The following DNAH9 variants were observed in gnomAD, a reference collection of about 807,000 sequenced individuals.
DNAH9 encodes the protein dynein axonemal heavy chain 9.
Under a neutral mutation model 471.6 loss-of-function variants are expected in DNAH9, and 345 were observed. The ratio of observed to expected loss-of-function variants is 0.73; its 90% CI spans 0.67 to 0.80. The LOEUF is 0.80. Ranked by LOEUF, DNAH9 falls within the 30% of genes least tolerant of loss-of-function variation. The pLI is 0.00. For synonymous variants in DNAH9, 2,093 were observed against 2,123.6 expected, an observed-to-expected ratio of 0.99 and a Z score of 0.40; for missense variants, 5,407 against 5,609.2, an observed-to-expected ratio of 0.96 and a Z score of 1.15.
chr17:11,703,857 C>T (rs531903997), intron 24 of DNAH9, among the ~76,000 whole-genome samples: 2 of 152,158 alleles, frequency 1.3e-5, no homozygotes, highest in African/African-American at 4.8e-5. Flanking sequence ...ATATTGTCAT[C>T]CTCCCAAGCT....
At chr17:11,640,123 AC>A (rs1327369826) in intron 9 of DNAH9, 146 bp from the exon 10 acceptor site, 14 of 623,190 alleles carry the variant, frequency 2.2e-5, no homozygotes, top group Non-Finnish European at 3.1e-5. Flanking sequence ...CTTTAACAGA[AC>A]CCCCCAGGAA....
rs761910575 is a variant in DNAH9 at position 11,727,867 on chromosome 17, G to C, written c.5759G>C (p.Cys1920Ser). 1 of 1,614,172 alleles carries C rather than the reference G, an allele frequency of 6.2e-7. No individual in the cohort carries two copies. Among genetic ancestry groups the C allele is most frequent in the Admixed American group, 1.7e-5 (1 of 60,024 alleles). Residue 1920 changes from cysteine to serine, a missense_variant, in exon 28 of 69, where the codon TGC (cysteine) becomes TCC (serine). Cys to Ser is a moderately radical substitution (Grantham distance 112, BLOSUM62 -1). This residue lies in a region of DNAH9 where 4,636 missense variants were observed against 4,900.3 expected (regional missense o/e 0.95). Coordinates refer to ENST00000262442, the MANE Select transcript of DNAH9 (RefSeq NM_001372.4). Reference sequence around the variant, plus strand: ...CTTGCTCAGACTGGTGCCTGGGGCTGCTTTGATGAGTTTAATCGAATCTCC... The same window carrying C: ...CTTGCTCAGACTGGTGCCTGGGGCTCCTTTGATGAGTTTAATCGAATCTCC... ...KGLAQTGAWG[C>S]FDEFNRISVE...
chr17:11,784,175 A>G (rs1968771736), intron 40 of DNAH9, 125 bp from the exon 41 acceptor site: 19 of 1,462,598 alleles, frequency 1.3e-5, no homozygotes, highest in African/African-American at 2.8e-5. Context: ...GCATAGTGTG[A>G]GAGATGGGAC....
At chr17:11,766,062 A>G (rs1967923354) in intron 36 of DNAH9, among the ~76,000 whole-genome samples, 1 of 152,178 alleles carries the variant, frequency 6.6e-6, no homozygotes, top group Admixed American at 6.5e-5. Flanking sequence ...AGCAATTGAC[A>G]GCCCTGCCAG....
chr17:11,810,411 C>T (rs772628671), intron 45 of DNAH9, 42 bp downstream of exon 45: 1 of 1,596,010 alleles, frequency 6.3e-7, no homozygotes, highest in South Asian at 1.1e-5. Context: ...TAAATTCCCC[C>T]TGGAATCAGA....
chr17:11,954,284 T>C lies in DNAH9; in HGVS notation c.12844-7583T>C, dbSNP rs1161954781. Among the ~76,000 whole-genome samples, 14 of 152,086 alleles carry C rather than the reference T, an allele frequency of 9.2e-5. No homozygotes were observed. In the South Asian group the frequency reaches 2.9e-3, roughly 32 times the overall value. On this transcript the variant is annotated intron_variant, in intron 67 of 68. Coordinates refer to ENST00000262442, the MANE Select transcript of DNAH9 (RefSeq NM_001372.4). ...CTATTTGAAGAAATAAGGGCCACAGTTTTGCAAATTTGCTGAAAACCACAA... is the reference window on the plus strand; with the variant it reads ...CTATTTGAAGAAATAAGGGCCACAGCTTTGCAAATTTGCTGAAAACCACAA...
intron 8 of DNAH9, among the ~76,000 whole-genome samples, chr17:11,635,355 T>TGTA (rs1213618550): frequency 2.4e-4 from 17 of 70,888 alleles, no homozygotes; most frequent in African/African-American, 5.5e-4. Flanking sequence ...TTTTTTTTTT[T>TGTA]TTTTTTAGTA....
In DNAH9 at chr17:11,598,666, C is replaced by G. The variant is rs1034191916; in HGVS notation, c.168C>G (p.Leu56=). ...CAGSAEAEQL[L]QAFLGRDAAE... ...GGAGTGCTGAGGCGGAGCAGCTGCT[C>G]CAGGCCTTCCTGGGCCGCGATGCTG... Residue 56 remains leucine (L), a synonymous_variant, in exon 1 of 69, where the codon CTC becomes CTG. Transcript: ENST00000262442. The G allele has an allele frequency of 2.9e-6, 4 of 1,362,832 alleles. No individual in the cohort carries two copies. Among genetic ancestry groups the G allele is most frequent in the Middle Eastern group, 2.6e-4 (1 of 3,906 alleles). 84.4% of individuals were successfully genotyped at this position (1,362,832 alleles called of 1,614,324 possible). A position where few individuals can be genotyped will look rare whatever the true frequency, so the allele number is the denominator to read the frequency against.
intron 53 of DNAH9, among the ~76,000 whole-genome samples, chr17:11,879,042 TATTAA>T (rs1474511474): frequency 6.6e-6 from 1 of 152,204 alleles, no homozygotes; most frequent in South Asian, 2.1e-4. Flanking sequence ...TTTTACTATA[TATTAA>T]ATTATTTTAT....
chr17:11,789,343 G>T (rs964209228), intron 41 of DNAH9, among the ~76,000 whole-genome samples: 1 of 152,048 alleles, frequency 6.6e-6, no homozygotes, highest in South Asian at 2.1e-4. Flanking sequence ...TTTGGTAGAG[G>T]TTTTAAATTA....
rs542129977 is a variant in DNAH9, at chr17:11,767,764, G to A, written c.7171-689G>A. On this transcript the variant is annotated intron_variant, in intron 36 of 68. Coordinates refer to ENST00000262442, the MANE Select transcript of DNAH9 (RefSeq NM_001372.4). ...GTACACTGGGTATACAGCCCCATGC[G>A]TAAGGGGCCCATTATCTAATAGGTA... is the stretch of plus-strand genomic sequence containing the variant. 4.6e-5 allele frequency among the ~76,000 whole-genome samples: 7 copies of A among 152,024 alleles called. No individual in the cohort carries two copies. In the East Asian group the frequency reaches 7.7e-4, roughly 17 times the overall value.
intron 26 of DNAH9, among the ~76,000 whole-genome samples, chr17:11,710,951 A>G (rs1482720785): frequency 6.6e-6 from 1 of 152,212 alleles, no homozygotes; most frequent in Non-Finnish European, 1.5e-5. Context: ...GACCTAAACT[A>G]GGAGATATCA....
Position 11,617,605 on chromosome 17 carries a change from A to G in DNAH9, c.1099A>G (p.Asn367Asp), listed in dbSNP as rs1189231744. 7.4e-6 allele frequency: 12 copies of G among 1,613,930 alleles called. No homozygotes were observed. Among genetic ancestry groups the G allele is most frequent in the Admixed American group, 1.7e-5 (1 of 60,006 alleles). ...GACTGTGCTGCTCCAGGAGATTTGC[A>G]ACCTTCTCATCCAGCAGGTGGGCTG... ...RLTVLLQEIC[N>D]LLIQQASNYL... The change falls in exon 5 of 69, where the codon AAC (asparagine) becomes GAC (aspartate). Residue 367 changes from asparagine (N) to aspartate (D), a missense_variant. Coordinates refer to ENST00000262442, the MANE Select transcript of DNAH9 (RefSeq NM_001372.4).
At chr17:11,646,382 G>C (rs2073390995) in intron 11 of DNAH9, among the ~76,000 whole-genome samples, 2 of 152,120 alleles carry the variant, frequency 1.3e-5, no homozygotes, top group African/African-American at 4.8e-5. Flanking sequence ...TGCCTTTACT[G>C]TCAGGTACTC....
At chr17:11,776,841 G>A (rs1001547192) in intron 38 of DNAH9, among the ~76,000 whole-genome samples, 9 of 152,058 alleles carry the variant, frequency 5.9e-5, no homozygotes, top group Non-Finnish European at 1.3e-4. Context: ...ACAAACCACA[G>A]GTTCATAACA....
chr17:11,693,808 AG>A, intron 20 of DNAH9, 59 bp from the exon 21 acceptor site: 1 of 1,591,558 alleles, frequency 6.3e-7, no homozygotes, highest in South Asian at 1.1e-5. Flanking sequence ...GGCTCCATGG[AG>A]GGAGCTTCTA....
Position 11,619,900 on chromosome 17 carries a change from G to A in DNAH9, c.1350+119G>A, listed in dbSNP as rs985570066. Reference sequence around the variant, plus strand: ...CTCATAGCCAACCCTCCATCAGCTGGAATAATCCATAATAAAGGTTCAATT... The same window carrying A: ...CTCATAGCCAACCCTCCATCAGCTGAAATAATCCATAATAAAGGTTCAATT... On this transcript the variant is annotated intron_variant, in intron 6 of 68. Coordinates refer to ENST00000262442, the MANE Select transcript of DNAH9 (RefSeq NM_001372.4). 5.2e-5 allele frequency: 34 copies of A among 649,248 alleles called. No homozygotes were observed. The Admixed American group carries it at 8.5e-4, about 16-fold the overall frequency. 40.2% of individuals were successfully genotyped at this position (649,248 alleles called of 1,614,324 possible).
At chr17:11,835,455 G>A (rs115174072) in intron 49 of DNAH9, among the ~76,000 whole-genome samples, 1,625 of 152,328 alleles carry the variant, frequency 0.011, 25 homozygotes, top group African/African-American at 0.036. Flanking sequence ...ATAACTGTAT[G>A]TCAACTAAAT....
At position 11,643,700 on chromosome 17, in the gene DNAH9, A is replaced by G. The variant is rs1166575829; in HGVS notation, c.1902-931A>G. ...CTATGATCAACACGCTCTATGATCA[A>G]TATGCTCTATGATCAATACGTTCTA... On this transcript the variant is annotated intron_variant, in intron 10 of 68. Transcript: ENST00000262442. Among the ~76,000 whole-genome samples the G allele has an allele frequency of 3.9e-5, 6 of 152,194 alleles. No individual in the cohort carries two copies. In the South Asian group the frequency reaches 1.0e-3, roughly 26 times the overall value.
Sources: gnomAD v4.1 joint callset for allele counts (sites outside exome capture counted in the v4.1 genomes callset) on GRCh38, gnomAD v4.1.1 for gene constraint, gnomAD v4.1.1 regional missense constraint, MANE v1.5 for transcripts, NCBI Gene and HGNC (gene_info 2026-07-23, HGNC 2026-07-21) for gene names.